NSMAF: variants seen among roughly 807,000 people sequenced by gnomAD.
NSMAF encodes the protein neutral sphingomyelinase activation associated factor.
In NSMAF, 90 loss-of-function variants were observed where a neutral mutation model predicts 134.9. The ratio of observed to expected loss-of-function variants is 0.67; its 90% CI spans 0.56 to 0.79. NSMAF has a LOEUF of 0.79. Ranked by LOEUF, NSMAF falls within the 30% of genes least tolerant of loss-of-function variation. NSMAF has a pLI of 0.00. For synonymous variants in NSMAF, 358 were observed against 389.6 expected (o/e 0.92, Z 0.96); for missense variants, 1,010 against 1,119.0 (o/e 0.90, Z 1.39).
chr8:58,652,551 T>C (rs536041841), intron 1 of NSMAF, among the ~76,000 whole-genome samples: 51 of 152,254 alleles, frequency 3.3e-4, no homozygotes, highest in South Asian at 1.0e-3. Context: ...CACAGTATGG[T>C]CCTACTGTAC....
chr8:58,659,757 G>A lies in NSMAF; in HGVS notation c.-126C>T. The A allele has an allele frequency of 1.5e-6, 1 of 684,814 alleles. No individual in the cohort carries two copies. Among genetic ancestry groups the A allele is most frequent in the Non-Finnish European group, 2.0e-6 (1 of 498,732 alleles). The allele number at this position is 684,814 out of a possible 1,614,324, so 42.4% of individuals were successfully genotyped here. A position where few individuals can be genotyped will look rare whatever the true frequency, so the allele number is the denominator to read the frequency against. On this transcript the variant is annotated 5_prime_UTR_variant, in exon 1 of 31. Transcript: ENST00000038176. Reference sequence around the variant, plus strand: ...TGGGGAGCGCGCGGCTGCCGGCCTGGCTTCCCCTGCGGCGCCGCTGGGCGG... The same window carrying A: ...TGGGGAGCGCGCGGCTGCCGGCCTGACTTCCCCTGCGGCGCCGCTGGGCGG...
chr8:58,641,751 G>T (rs960262004), intron 2 of NSMAF, among the ~76,000 whole-genome samples: 1 of 152,110 alleles, frequency 6.6e-6, no homozygotes, highest in Non-Finnish European at 1.5e-5. Flanking sequence ...CTTTGAAATG[G>T]TATCCTAGAA....
intron 1 of NSMAF, among the ~76,000 whole-genome samples, chr8:58,655,323 C>CA (rs1807678189): frequency 6.6e-6 from 1 of 152,048 alleles, no homozygotes; most frequent in Non-Finnish European, 1.5e-5. Context: ...CCCAACACTC[C>CA]ACGGTGGATA....
chr8:58,658,427 G>C (rs2129149429), intron 1 of NSMAF, among the ~76,000 whole-genome samples: 1 of 152,274 alleles, frequency 6.6e-6, no homozygotes, highest in Admixed American at 6.5e-5. Flanking sequence ...ATGACATTTC[G>C]TACTGTGGAC....
chr8:58,585,397 A>G (rs1002131499), intron 30 of NSMAF, among the ~76,000 whole-genome samples: 12 of 151,414 alleles, frequency 7.9e-5, no homozygotes, highest in Non-Finnish European at 1.5e-4. Flanking sequence ...TAGCTTTACG[A>G]TGGTTTTTAA....
chr8:58,609,839 C>A, intron 9 of NSMAF, 106 bp from the exon 10 acceptor site: 8 of 999,508 alleles, frequency 8.0e-6, no homozygotes, highest in Non-Finnish European at 1.2e-5. Flanking sequence ...TTTGTCTAAA[C>A]ACTACATTTA....
intron 9 of NSMAF, among the ~76,000 whole-genome samples, chr8:58,619,855 A>C (rs1376507016): frequency 6.6e-6 from 1 of 152,204 alleles, no homozygotes; most frequent in Non-Finnish European, 1.5e-5. Flanking sequence ...ATGGAAATTG[A>C]CAAGCTGATT....
chr8:58,618,271 T>G (rs1806708958), intron 9 of NSMAF, among the ~76,000 whole-genome samples: 1 of 152,120 alleles, frequency 6.6e-6, no homozygotes. Context: ...GTATCAAACC[T>G]GCACTTCTGC....
intron 9 of NSMAF, among the ~76,000 whole-genome samples, chr8:58,611,751 G>A (rs1304748178): frequency 1.3e-5 from 2 of 151,724 alleles, no homozygotes; most frequent in Non-Finnish European, 2.9e-5. Context: ...GGAGAAAAAA[G>A]AATGAAAAAA....
At chr8:58,659,543 G>C in intron 1 of NSMAF, 30 bp downstream of exon 1, 1 of 1,523,890 alleles carries the variant, frequency 6.6e-7, no homozygotes, top group South Asian at 1.2e-5. Flanking sequence ...CTAGGCCCCC[G>C]GCTGGGCCCT....
At chr8:58,646,035 C>G (rs60289621) in intron 1 of NSMAF, among the ~76,000 whole-genome samples, 4,367 of 151,904 alleles carry the variant, frequency 0.029, 247 homozygotes, top group East Asian at 0.23. Flanking sequence ...GAGCGAGACT[C>G]CGTCTCAAAA....
At chr8:58,591,057 T>C in intron 23 of NSMAF, 123 bp from the exon 24 acceptor site, 1 of 1,176,516 alleles carries the variant, frequency 8.5e-7, no homozygotes, top group Non-Finnish European at 1.1e-6. Context: ...AAGTATAATC[T>C]TATGGAAAAC....
intron 6 of NSMAF, among the ~76,000 whole-genome samples, chr8:58,631,022 T>G (rs541528527): frequency 6.6e-6 from 1 of 152,308 alleles, no homozygotes; most frequent in Non-Finnish European, 1.5e-5. Context: ...TGTCTATGCT[T>G]AAGTGAAAGG....
At chr8:58,657,657 A>C (rs1385534220) in intron 1 of NSMAF, among the ~76,000 whole-genome samples, 2 of 152,246 alleles carry the variant, frequency 1.3e-5, no homozygotes, top group Non-Finnish European at 2.9e-5. Flanking sequence ...TGCATATTCT[A>C]TGCATTGAAT....
intron 2 of NSMAF, among the ~76,000 whole-genome samples, chr8:58,637,014 T>TTA (rs1467950636): frequency 8.8e-6 from 1 of 113,816 alleles, no homozygotes; most frequent in African/African-American, 4.3e-5. Context: ...CTGATTAAGA[T>TTA]TATACACACA....
chr8:58,636,443 G>A (rs1485480425), intron 2 of NSMAF, among the ~76,000 whole-genome samples: 8 of 152,140 alleles, frequency 5.3e-5, no homozygotes, highest in African/African-American at 1.2e-4. Context: ...GGTAGTACAC[G>A]GGTACTGCCT....
At chr8:58,589,371 G>C (rs1805973201) in intron 26 of NSMAF, 81 bp downstream of exon 26, 1 of 1,146,704 alleles carries the variant, frequency 8.7e-7, no homozygotes. Flanking sequence ...TATAATATCT[G>C]TATGTACATT....
intron 5 of NSMAF, among the ~76,000 whole-genome samples, chr8:58,634,242 G>A (rs756786134): frequency 1.3e-5 from 2 of 152,156 alleles, no homozygotes; most frequent in Admixed American, 6.5e-5. Flanking sequence ...ATAGAATCAT[G>A]GAAGGTAGAT....
chr8:58,603,218 G>C lies in NSMAF; in HGVS notation c.1037C>G (p.Ser346Ter). Residue 346 changes from serine (S) to a stop codon, truncating the protein, a stop_gained, in exon 13 of 31, where the codon TCA becomes TGA. Coordinates refer to ENST00000038176, the MANE Select transcript of NSMAF (RefSeq NM_003580.4). LOFTEE classifies it high-confidence loss of function. ...CCACGTGTGGCAGTTACCTAGTTCTGAGCTGGAATAATCATGTATTATCCA... is the reference window on the plus strand; with the variant it reads ...CCACGTGTGGCAGTTACCTAGTTCTCAGCTGGAATAATCATGTATTATCCA... ...FPWIIHDYSSSELDLSNPGTF... is the reference protein window; with the variant it reads ...FPWIIHDYSS 6.2e-7 allele frequency: 1 copy of C among 1,614,156 alleles called. No homozygotes were observed. The highest frequency in any genetic ancestry group is 8.5e-7 in the Non-Finnish European group (1 of 1,180,012).
Sources: gnomAD v4.1 joint callset for allele counts (sites outside exome capture counted in the v4.1 genomes callset) on GRCh38, gnomAD v4.1.1 for gene constraint, MANE v1.5 for transcripts, NCBI Gene and HGNC (gene_info 2026-07-23, HGNC 2026-07-21) for gene names.